Variants in DAB1 observed in about 807,000 individuals in gnomAD.
DAB1 encodes the protein disabled homolog 1.
A neutral mutation model predicts 64.6 loss-of-function variants in DAB1; 15 were observed. The observed-to-expected ratio is 0.23, with a 90% confidence interval of 0.16 to 0.36. The LOEUF (loss-of-function observed/expected upper bound fraction) is 0.36. Ranked by LOEUF, DAB1 falls within the 10% of genes least tolerant of loss-of-function variation. The probability of loss-of-function intolerance (pLI) is 1.00; values close to 1 mark genes in which losing one functional copy is unlikely to be tolerated. For synonymous variants in DAB1, 235 were observed against 251.9 expected (o/e 0.93, Z 0.64); for missense variants, 596 against 706.7 (o/e 0.84, Z 1.78).
chr1:57,955,846 A>G (rs1421259466), intron 5 of DAB1, among the ~76,000 whole-genome samples: 1 of 152,206 alleles, frequency 6.6e-6, no homozygotes, highest in Admixed American at 6.5e-5. Context: ...AAGGAAAAAC[A>G]CAAATTAATA....
chr1:58,186,338 T>C (rs1657074465), intron 4 of DAB1, among the ~76,000 whole-genome samples: 1 of 152,212 alleles, frequency 6.6e-6, no homozygotes, highest in Non-Finnish European at 1.5e-5. Flanking sequence ...TCTGCCTCTT[T>C]CTGAGATTTT....
At chr1:57,679,878 C>T (rs1465615144) in intron 6 of DAB1, among the ~76,000 whole-genome samples, 1 of 152,158 alleles carries the variant, frequency 6.6e-6, no homozygotes, top group Admixed American at 6.5e-5. Context: ...TCTCATTTAG[C>T]TAACATGGTA....
chr1:57,855,370 C>T (rs920372010), intron 1 of DAB1, among the ~76,000 whole-genome samples: 1 of 152,244 alleles, frequency 6.6e-6, no homozygotes, highest in African/African-American at 2.4e-5. Flanking sequence ...AAGCTGACAA[C>T]GTCCCTGCCC....
At chr1:57,928,559 T>C (rs1202778) in intron 5 of DAB1, among the ~76,000 whole-genome samples, 23,883 of 152,166 alleles carry the variant, frequency 0.16, 2,737 homozygotes, top group African/African-American at 0.32. Flanking sequence ...TGCAGTTTCA[T>C]ACAAAGTAGT....
chr1:57,351,668 A>C (rs559041369), intron 1 of DAB1, among the ~76,000 whole-genome samples: 1 of 152,140 alleles, frequency 6.6e-6, no homozygotes, highest in African/African-American at 2.4e-5. Flanking sequence ...ACACACAAGC[A>C]TGCATGCATG....
At chr1:58,085,960 T>C (rs12049226) in intron 5 of DAB1, among the ~76,000 whole-genome samples, 185 of 128,092 alleles carry the variant, frequency 1.4e-3, no homozygotes, top group Non-Finnish European at 2.2e-3. Flanking sequence ...CTCTCTCTCT[T>C]TTTTTTTTTT....
At chr1:58,090,652 A>G (rs921014539) in intron 5 of DAB1, among the ~76,000 whole-genome samples, 2 of 151,912 alleles carry the variant, frequency 1.3e-5, no homozygotes, top group Admixed American at 1.3e-4. Flanking sequence ...CTAAATCTGA[A>G]CCCTCATGCT....
At chr1:57,114,537 G>T (rs1305413428) in intron 4 of DAB1, among the ~76,000 whole-genome samples, 1 of 152,178 alleles carries the variant, frequency 6.6e-6, no homozygotes, top group African/African-American at 2.4e-5. Context: ...GTTGTCCATT[G>T]TTGCAAAATG....
intron 7 of DAB1, among the ~76,000 whole-genome samples, chr1:57,632,214 C>T (rs556781540): frequency 6.6e-6 from 1 of 152,148 alleles, no homozygotes; most frequent in Non-Finnish European, 1.5e-5. Flanking sequence ...GCTGCATAGG[C>T]GTGGAACTTG....
chr1:57,654,673 G>C (rs1157284723), intron 6 of DAB1, among the ~76,000 whole-genome samples: 1 of 151,792 alleles, frequency 6.6e-6, no homozygotes, highest in Non-Finnish European at 1.5e-5. Context: ...TCTTAATCTA[G>C]CTAAAGATTT....
At chr1:57,677,418 A>G (rs1238128925) in intron 6 of DAB1, among the ~76,000 whole-genome samples, 2 of 152,188 alleles carry the variant, frequency 1.3e-5, no homozygotes, top group Non-Finnish European at 2.9e-5. Context: ...AGAGACAATG[A>G]CAACGTCCTA....
chr1:57,011,874 T>C (rs1214560906), intron 12 of DAB1, among the ~76,000 whole-genome samples: 2 of 152,222 alleles, frequency 1.3e-5, no homozygotes, highest in South Asian at 2.1e-4. Context: ...TTCTGAATCC[T>C]GGCACATAGG....
At chr1:57,391,353 T>A (rs1286699542) in intron 1 of DAB1, among the ~76,000 whole-genome samples, 1 of 152,172 alleles carries the variant, frequency 6.6e-6, no homozygotes, top group African/African-American at 2.4e-5. Context: ...GGATATAGCA[T>A]TAATGAGCAT....
At chr1:58,285,231 T>C (rs1661655694) in intron 4 of DAB1, among the ~76,000 whole-genome samples, 1 of 152,176 alleles carries the variant, frequency 6.6e-6, no homozygotes, top group South Asian at 2.1e-4. Flanking sequence ...AGCATTCCCC[T>C]TGAAAACCAG....
intron 3 of DAB1, among the ~76,000 whole-genome samples, chr1:58,381,827 G>A (rs1172586385): frequency 6.6e-6 from 1 of 152,110 alleles, no homozygotes; most frequent in East Asian, 1.9e-4. Flanking sequence ...TCTGTAGAGA[G>A]GACAAGCCTG....
At chr1:57,879,185 AG>A (rs1644103074) in intron 1 of DAB1, among the ~76,000 whole-genome samples, 1 of 152,184 alleles carries the variant, frequency 6.6e-6, no homozygotes, top group Non-Finnish European at 1.5e-5. Flanking sequence ...CACATAGCTA[AG>A]CTACATTTAC....
chr1:57,524,408 CATG>C (rs1644566582), intron 7 of DAB1, among the ~76,000 whole-genome samples: 1 of 152,160 alleles, frequency 6.6e-6, no homozygotes, highest in African/African-American at 2.4e-5. Context: ...CATGCACGTC[CATG>C]TGGAGAGACC....
chr1:57,773,164 TG>T (rs889983498), intron 6 of DAB1, among the ~76,000 whole-genome samples: 2 of 152,066 alleles, frequency 1.3e-5, no homozygotes, highest in African/African-American at 4.8e-5. Flanking sequence ...AAATTTCTGT[TG>T]TTTTAAGCCA....
chr1:58,372,103 G>A (rs1191270129), intron 3 of DAB1, among the ~76,000 whole-genome samples: 2 of 152,168 alleles, frequency 1.3e-5, no homozygotes, highest in African/African-American at 4.8e-5. Context: ...TAGATCCACT[G>A]ACAGCTTGCG....
Sources: allele counts gnomAD v4.1 joint callset (sites outside exome capture counted in the v4.1 genomes callset), GRCh38; gene constraint gnomAD v4.1.1; transcripts MANE v1.5; gene names NCBI Gene and HGNC (gene_info 2026-07-23, HGNC 2026-07-21).